Variants in FLT3 observed in about 807,000 individuals in gnomAD.
FLT3 encodes the protein receptor-type tyrosine-protein kinase FLT3.
FLT3 carries 46 observed loss-of-function variants against 126.6 expected under a neutral mutation model. That is an observed-to-expected ratio of 0.36 (90% CI 0.29 to 0.46). The LOEUF is 0.46. Ranked by LOEUF, FLT3 falls within the 20% of genes least tolerant of loss-of-function variation. The pLI is 1.00. For synonymous variants in FLT3, 404 were observed against 434.4 expected (o/e 0.93, Z 0.87); for missense variants, 1,069 against 1,190.3 (o/e 0.90, Z 1.50).
At chr13:28,037,012 A>AGG (rs1566073784) in intron 10 of FLT3, among the ~76,000 whole-genome samples, 173 bp downstream of exon 10, 5 of 152,010 alleles carry the variant, frequency 3.3e-5, no homozygotes. Flanking sequence ...AAAAAATAAA[A>AGG]AGATATATGA....
intron 2 of FLT3, among the ~76,000 whole-genome samples, chr13:28,064,425 T>C (rs1279165275): frequency 2.0e-5 from 3 of 151,864 alleles, no homozygotes; most frequent in Admixed American, 2.0e-4. Flanking sequence ...ATATAAAAAT[T>C]AGCCGAGTGT....
At chr13:28,008,792 G>T (rs1006544558) in intron 23 of FLT3, among the ~76,000 whole-genome samples, 1 of 151,732 alleles carries the variant, frequency 6.6e-6, no homozygotes, top group Non-Finnish European at 1.5e-5. Context: ...TTTTAATTTT[G>T]GTATATAAAT....
chr13:28,074,057 A>G (rs1012394542), intron 1 of FLT3, among the ~76,000 whole-genome samples: 3 of 152,136 alleles, frequency 2.0e-5, no homozygotes, highest in African/African-American at 7.2e-5. Flanking sequence ...CCCTGCTACC[A>G]ACCCCATTCC....
Position 28,050,136 on chromosome 13 carries a change from C to T in FLT3, c.701G>A (p.Arg234Lys). 2 of 1,614,128 alleles carry T rather than the reference C, an allele frequency of 1.2e-6. No homozygotes were observed. The highest frequency in any genetic ancestry group is 3.3e-4 in the Middle Eastern group (2 of 6,062). The change falls in exon 6 of 24, where the codon AGA (arginine) becomes AAA (lysine). Residue 234 changes from arginine (R) to lysine (K), a missense_variant. Physicochemically the swap from Arg to Lys is conservative, Grantham distance 26. Transcript: ENST00000241453. ...LFGTDIRCCA[R>K]NELGRECTRL... Reference sequence around the variant, plus strand: ...GGTGCATTCCCTGCCCAGTTCATTTCTGGCACAGCACCTTATGTCCGTCCC... The same window carrying T: ...GGTGCATTCCCTGCCCAGTTCATTTTTGGCACAGCACCTTATGTCCGTCCC...
chr13:28,043,382 G>A lies in FLT3; in HGVS notation c.1205+4893C>T, dbSNP rs141222727. 3.3e-5 allele frequency among the ~76,000 whole-genome samples: 5 copies of A among 152,270 alleles called. No homozygotes were observed. The East Asian group carries it at 5.8e-4, about 18-fold the overall frequency. ...AAGGCAAGCCCTAGTAAACTTTGGC[G>A]TAATATTTGAGGAAGTAAATTGGAG... On this transcript the variant is annotated intron_variant, in intron 9 of 23. Transcript: ENST00000241453.
intron 1 of FLT3, among the ~76,000 whole-genome samples, chr13:28,089,978 T>C (rs1289245188): frequency 1.3e-5 from 2 of 151,796 alleles, no homozygotes; most frequent in African/African-American, 2.4e-5. Flanking sequence ...TGACTTCAAA[T>C]GATCCGCCCG....
intron 1 of FLT3, among the ~76,000 whole-genome samples, chr13:28,079,306 G>C (rs189235530): frequency 1.3e-5 from 2 of 152,192 alleles, no homozygotes; most frequent in Admixed American, 1.3e-4. Flanking sequence ...GACCACCTCG[G>C]CTTGGACCTT....
chr13:28,041,469 T>C (rs1356127824), intron 9 of FLT3, among the ~76,000 whole-genome samples: 1 of 152,238 alleles, frequency 6.6e-6, no homozygotes, highest in Non-Finnish European at 1.5e-5. Context: ...TCTTTTGTGC[T>C]GTCTTAATAG....
At chr13:28,048,141 C>A in intron 9 of FLT3, 134 bp downstream of exon 9, 1 of 670,720 alleles carries the variant, frequency 1.5e-6, no homozygotes, top group South Asian at 2.1e-5. Context: ...GTTTTCTTAT[C>A]TCCAATTTCA....
rs2137740107 is a variant in FLT3, at chr13:28,052,570, C to T, written c.589G>A (p.Val197Met). 3 of 1,613,510 alleles carry T rather than the reference C, an allele frequency of 1.9e-6. No individual in the cohort carries two copies. The highest frequency in any genetic ancestry group is 2.5e-6 in the Non-Finnish European group (3 of 1,179,656). The change falls in exon 5 of 24, where the codon GTG (valine) becomes ATG (methionine). Residue 197 changes from valine to methionine, a missense_variant. Transcript: ENST00000241453. ...ESVPEPIVEW[V>M]LCDSQGESCK... ...CTTTCCCCCTGTGAATCGCAAAGCA[C>T]CCATTCCACGATCGGCTCTGGAACG...
At chr13:28,020,403 C>T (rs560057676) in intron 19 of FLT3, among the ~76,000 whole-genome samples, 25 of 152,262 alleles carry the variant, frequency 1.6e-4, no homozygotes, top group Middle Eastern at 3.4e-3. Flanking sequence ...GGCTGGAGTG[C>T]AGCGGTACAA....
chr13:28,099,995 C>T (rs1232974884), intron 1 of FLT3, among the ~76,000 whole-genome samples: 1 of 152,176 alleles, frequency 6.6e-6, no homozygotes, highest in Admixed American at 6.5e-5. Flanking sequence ...TCAGAGTTCC[C>T]TCCATAAATC....
At chr13:28,096,414 C>T (rs1178253721) in intron 1 of FLT3, among the ~76,000 whole-genome samples, 3 of 151,572 alleles carry the variant, frequency 2.0e-5, no homozygotes, top group African/African-American at 7.3e-5. Context: ...TCTGACCAGG[C>T]TAAAGCTTCC....
chr13:28,055,912 C>T (rs948250921), intron 4 of FLT3, among the ~76,000 whole-genome samples: 1 of 152,174 alleles, frequency 6.6e-6, no homozygotes, highest in Non-Finnish European at 1.5e-5. Context: ...GGGCAGGGAA[C>T]ATGACCGACA....
At chr13:28,021,406 T>C (rs1872372051) in intron 19 of FLT3, among the ~76,000 whole-genome samples, 1 of 151,826 alleles carries the variant, frequency 6.6e-6, no homozygotes. Flanking sequence ...AAAAACAAAA[T>C]GCTTGTGAAA....
chr13:28,023,265 C>G (rs1391600764), intron 19 of FLT3, 85 bp downstream of exon 19: 10 of 1,402,266 alleles, frequency 7.1e-6, no homozygotes, highest in Non-Finnish European at 9.8e-6. Flanking sequence ...TTAAGGGATA[C>G]AAGTTAAAAT....
chr13:28,061,880 C>A lies in FLT3; in HGVS notation c.355G>T (p.Asp119Tyr), dbSNP rs978490775. ...HSSLNCQPHF[D>Y]LQNRGVVSMV... Reference sequence around the variant, plus strand: ...TCCTCCACTTACCTGTTTTGTAAATCAAAATGTGGCTGGCAATTCAGGGAG... The same window carrying A: ...TCCTCCACTTACCTGTTTTGTAAATAAAAATGTGGCTGGCAATTCAGGGAG... The change falls in exon 3 of 24, where the codon GAT becomes TAT. Residue 119 changes from aspartate (D) to tyrosine (Y), a missense_variant. Coordinates refer to ENST00000241453, the MANE Select transcript of FLT3 (RefSeq NM_004119.3). 7 of 1,613,728 alleles carry A rather than the reference C, an allele frequency of 4.3e-6. No homozygotes were observed. Among genetic ancestry groups the A allele is most frequent in the Middle Eastern group, 1.7e-4 (1 of 6,052 alleles).
intron 8 of FLT3, among the ~76,000 whole-genome samples, chr13:28,049,007 C>G (rs1393324937): frequency 6.6e-6 from 1 of 152,124 alleles, no homozygotes; most frequent in South Asian, 2.1e-4. Context: ...CCTAACAGTG[C>G]GGTTAGTTGG....
rs1304175191 is a variant in FLT3, at chr13:28,004,070, A to G, written c.2964T>C (p.Ala988=). The G allele has an allele frequency of 1.9e-6, 3 of 1,614,014 alleles. No homozygotes were observed. Among genetic ancestry groups the G allele is most frequent in the African/African-American group, 1.3e-5 (1 of 74,910 alleles). The change falls in exon 24 of 24, where the codon GCT becomes GCC. Residue 988 remains alanine, a synonymous_variant. Coordinates refer to ENST00000241453, the MANE Select transcript of FLT3 (RefSeq NM_004119.3). ...EMDLGLLSPQ[A]QVEDS The stretch of plus-strand genomic sequence containing the variant: ...TGTTCCTCTACGAATCTTCGACCTG[A>G]GCCTGCGGAGAGAGTAGCCCCAAAT...
Sources: gnomAD v4.1 joint callset for allele counts (sites outside exome capture counted in the v4.1 genomes callset) on GRCh38, gnomAD v4.1.1 for gene constraint, MANE v1.5 for transcripts, NCBI Gene and HGNC (gene_info 2026-07-23, HGNC 2026-07-21) for gene names.